The following ZNF618 variants were observed in gnomAD, a reference collection of about 807,000 sequenced individuals.
The protein encoded by ZNF618 is neural precursor cell expressed, developmentally down-regulated 10.
A neutral mutation model predicts 103.0 loss-of-function variants in ZNF618; 34 were observed. The observed-to-expected ratio is 0.33, with a 90% CI of 0.25 to 0.44. ZNF618 has a LOEUF of 0.44. ZNF618 is among the 20% of genes least tolerant of loss of function. The pLI, the probability that ZNF618 is intolerant of heterozygous loss-of-function variation, is 1.00. For synonymous variants in ZNF618, 551 were observed against 542.2 expected (o/e 1.02, Z -0.23); for missense variants, 1,059 against 1,295.4 (o/e 0.82, Z 2.80).
intron 10 of ZNF618, among the ~76,000 whole-genome samples, chr9:114,018,749 A>G (rs1383247771): frequency 6.6e-6 from 1 of 152,138 alleles, no homozygotes; most frequent in East Asian, 1.9e-4. Flanking sequence ...TTTGCTTTCT[A>G]TTATGAACTC....
intron 3 of ZNF618, among the ~76,000 whole-genome samples, chr9:113,990,676 AGC>A (rs1839968154): frequency 6.6e-6 from 1 of 152,222 alleles, no homozygotes; most frequent in African/African-American, 2.4e-5. Flanking sequence ...TAACTGCTGC[AGC>A]CAGAGAGAGA....
chr9:113,965,042 C>T (rs1298113732), intron 1 of ZNF618, among the ~76,000 whole-genome samples: 2 of 147,170 alleles, frequency 1.4e-5, no homozygotes, highest in Non-Finnish European at 3.0e-5. Context: ...TAGCTGCTAT[C>T]CTCCCACTCT....
At chr9:113,987,659 C>G (rs1332057860) in intron 2 of ZNF618, among the ~76,000 whole-genome samples, 1 of 152,184 alleles carries the variant, frequency 6.6e-6, no homozygotes, top group African/African-American at 2.4e-5. Flanking sequence ...AGTTTGAGGC[C>G]CAGCAGCCCT....
chr9:113,885,375 C>CA, intron 1 of ZNF618, among the ~76,000 whole-genome samples: 1 of 152,336 alleles, frequency 6.6e-6, no homozygotes, highest in East Asian at 1.9e-4. Context: ...TCTTGACATA[C>CA]ATGTTACTTT....
chr9:113,921,673 A>G (rs922402122), intron 1 of ZNF618, among the ~76,000 whole-genome samples: 4 of 152,220 alleles, frequency 2.6e-5, no homozygotes, highest in Admixed American at 6.5e-5. Flanking sequence ...GAAAGAAGGA[A>G]GAAGGAACAG....
rs1198632344 is a variant in ZNF618, at chr9:113,912,043, GC to G, written c.33+35631del. Among the ~76,000 whole-genome samples, 14 of 152,166 alleles carry G rather than the reference GC, an allele frequency of 9.2e-5. 1 individual carries two copies. Among genetic ancestry groups the G allele is most frequent in the Admixed American group, 9.2e-4 (14 of 15,278 alleles). Reference sequence around the variant, plus strand: ...AGAGATTCTGATTCAGCAGGTGTGGGCGGGGCCTGAGAGTCTTCATTTCTAA... The same window carrying G: ...AGAGATTCTGATTCAGCAGGTGTGGGGGGGCCTGAGAGTCTTCATTTCTAA... On this transcript the variant is annotated intron_variant, in intron 1 of 14. Transcript: ENST00000374126.
At chr9:114,011,624 T>G (rs910868715) in intron 9 of ZNF618, among the ~76,000 whole-genome samples, 2 of 152,210 alleles carry the variant, frequency 1.3e-5, no homozygotes, top group Non-Finnish European at 2.9e-5. Context: ...CGAAAAACGA[T>G]TAGCCAGTAG....
chr9:114,024,267 A>C (rs1011703700), intron 10 of ZNF618, among the ~76,000 whole-genome samples: 26 of 152,126 alleles, frequency 1.7e-4, no homozygotes, highest in African/African-American at 6.3e-4. Flanking sequence ...TTTTTCATCT[A>C]AGTTTCATTT....
chr9:114,007,317 T>C, intron 6 of ZNF618, 33 bp from the exon 7 acceptor site: 1 of 1,603,656 alleles, frequency 6.2e-7, no homozygotes, highest in Non-Finnish European at 8.5e-7. Context: ...ACTGAAGCCC[T>C]GGTAACCAGG....
chr9:114,018,772 C>T (rs1842839819), intron 10 of ZNF618, among the ~76,000 whole-genome samples: 1 of 152,190 alleles, frequency 6.6e-6, no homozygotes, highest in Non-Finnish European at 1.5e-5. Flanking sequence ...TTTCTTTCTT[C>T]CTGTATCTGC....
At chr9:113,995,639 CAG>C in intron 3 of ZNF618, among the ~76,000 whole-genome samples, 1 of 152,288 alleles carries the variant, frequency 6.6e-6, no homozygotes, top group South Asian at 2.1e-4. Context: ...AGAAATCACA[CAG>C]GGGTCTATCA....
chr9:113,958,664 TTCCCGTAAACACTACCCTGTTG>T (rs1443349030), intron 1 of ZNF618, among the ~76,000 whole-genome samples: 164 of 152,358 alleles, frequency 1.1e-3, no homozygotes, highest in African/African-American at 3.5e-3. Context: ...CCCAGGCTGA[TTCCCGTAAACACTACCCTGTTG>T]TTGCTGCTGG....
At chr9:113,965,891 C>T (rs563386292) in intron 1 of ZNF618, among the ~76,000 whole-genome samples, 1 of 152,272 alleles carries the variant, frequency 6.6e-6, no homozygotes, top group South Asian at 2.1e-4. Context: ...TACTGTCATT[C>T]TGGCTGCACC....
intron 1 of ZNF618, among the ~76,000 whole-genome samples, chr9:113,886,673 G>A (rs556426637): frequency 6.6e-6 from 1 of 152,052 alleles, no homozygotes; most frequent in South Asian, 2.1e-4. Flanking sequence ...ACTAGCCTTC[G>A]TTGGAATTTG....
intron 3 of ZNF618, among the ~76,000 whole-genome samples, chr9:113,990,155 C>T (rs547476260): frequency 7.6e-4 from 116 of 152,342 alleles, no homozygotes; most frequent in African/African-American, 2.5e-3. Flanking sequence ...ACCTATCCTT[C>T]GAGGCCAACT....
At chr9:113,914,843 T>G (rs1168974146) in intron 1 of ZNF618, among the ~76,000 whole-genome samples, 1 of 152,130 alleles carries the variant, frequency 6.6e-6, no homozygotes, top group Non-Finnish European at 1.5e-5. Context: ...TTTTGACAAC[T>G]TGGATGTAAC....
intron 1 of ZNF618, among the ~76,000 whole-genome samples, chr9:113,895,035 T>G (rs949680008): frequency 1.3e-5 from 2 of 152,184 alleles, no homozygotes; most frequent in African/African-American, 4.8e-5. Flanking sequence ...GTGAGAAGGA[T>G]TCTAGCGTTT....
chr9:114,036,036 C>CT (rs1844567380), intron 12 of ZNF618, among the ~76,000 whole-genome samples: 2 of 152,226 alleles, frequency 1.3e-5, no homozygotes, highest in Admixed American at 1.3e-4. Flanking sequence ...CGAACAGTGG[C>CT]TGGCACGCAG....
At chr9:114,003,194 G>C (rs1419006583) in intron 6 of ZNF618, among the ~76,000 whole-genome samples, 2 of 152,236 alleles carry the variant, frequency 1.3e-5, no homozygotes, top group Non-Finnish European at 2.9e-5. Context: ...CCAGCACCTG[G>C]GGCGGCACAG....
Sources: allele counts gnomAD v4.1 joint callset (sites outside exome capture counted in the v4.1 genomes callset), GRCh38; gene constraint gnomAD v4.1.1; transcripts MANE v1.5; gene names NCBI Gene and HGNC (gene_info 2026-07-23, HGNC 2026-07-21).